CRB1: variants seen among roughly 807,000 people sequenced by gnomAD.
The protein encoded by CRB1 is protein crumbs homolog 1.
A neutral mutation model predicts 120.0 loss-of-function variants in CRB1; 83 were observed. The ratio of observed to expected loss-of-function variants is 0.69; its 90% confidence interval spans 0.58 to 0.83. The LOEUF is 0.83. Among genes scored for constraint, CRB1 ranks in the 40% least tolerant of loss-of-function variants. The pLI, the probability that CRB1 is intolerant of heterozygous loss-of-function variation, is 0.00. For synonymous variants in CRB1, 625 were observed against 612.5 expected (o/e 1.02, Z -0.30); for missense variants, 1,699 against 1,687.6 (o/e 1.01, Z -0.12).
chr1:197,438,426 C>T (rs1665266117), intron 9 of CRB1, 121 bp from the exon 10 acceptor site: 5 of 1,199,146 alleles, frequency 4.2e-6, no homozygotes, highest in Non-Finnish European at 6.1e-6. Flanking sequence ...GCATTTGTAG[C>T]TCCTCCAGCC....
At chr1:197,472,428 A>T (rs750639466) in intron 11 of CRB1, among the ~76,000 whole-genome samples, 37 of 152,182 alleles carry the variant, frequency 2.4e-4, no homozygotes, top group Non-Finnish European at 4.7e-4. Flanking sequence ...TTGCAGCATT[A>T]GTTCTTGAAT....
chr1:197,376,360 T>A (rs945409146), intron 5 of CRB1, among the ~76,000 whole-genome samples: 2 of 152,168 alleles, frequency 1.3e-5, no homozygotes, highest in African/African-American at 4.8e-5. Flanking sequence ...CTTTTTATTT[T>A]TTTATCTTCA....
At chr1:197,454,781 C>T (rs774405243) in intron 11 of CRB1, among the ~76,000 whole-genome samples, 31 of 152,240 alleles carry the variant, frequency 2.0e-4, no homozygotes, top group Admixed American at 2.6e-4. Context: ...TGCCTTGGTA[C>T]GATACTGGAC....
intron 11 of CRB1, among the ~76,000 whole-genome samples, chr1:197,445,592 AT>A (rs1665664018): frequency 6.6e-6 from 1 of 152,142 alleles, no homozygotes; most frequent in South Asian, 2.1e-4. Flanking sequence ...TCTTTTGGCC[AT>A]TTGTAGGTTT....
chr1:197,384,800 A>G (rs529611491), intron 5 of CRB1, among the ~76,000 whole-genome samples: 1 of 152,234 alleles, frequency 6.6e-6, no homozygotes, highest in Non-Finnish European at 1.5e-5. Context: ...TTGCATATTT[A>G]TATTGCTCAT....
At chr1:197,418,229 T>C (rs2821099) in intron 5 of CRB1, among the ~76,000 whole-genome samples, 10,483 of 152,260 alleles carry the variant, frequency 0.069, 1,259 homozygotes, top group African/African-American at 0.24. Flanking sequence ...AAGTAAAATA[T>C]CTTCTAATAC....
intron 2 of CRB1, among the ~76,000 whole-genome samples, chr1:197,342,978 A>T (rs565119083): frequency 6.6e-6 from 1 of 152,370 alleles, no homozygotes; most frequent in African/African-American, 2.4e-5. Context: ...TAAGCCTCAA[A>T]GAGCAAGCCA....
rs775441906 is a variant in CRB1, at chr1:197,421,565, C to A, written c.1737C>A (p.Thr579=). The change falls in exon 6 of 12, where the codon ACC becomes ACA. Residue 579 remains threonine, a synonymous_variant. Coordinates refer to ENST00000367400, the MANE Select transcript of CRB1 (RefSeq NM_201253.3). The stretch of plus-strand genomic sequence containing the variant: ...AGGTAATATTTGCAGAGGCTGTGAC[C>A]CTTACCTTAATCGACGACTCCTGTA... ...FVEVIFAEAV[T]LTLIDDSCKE... is the part of the protein sequence containing the mutation. 6.8e-6 allele frequency: 11 copies of A among 1,614,136 alleles called. No individual in the cohort carries two copies. Among genetic ancestry groups the A allele is most frequent in the Non-Finnish European group, 9.3e-6 (11 of 1,180,028 alleles).
chr1:197,352,410 C>G (rs1394247129), intron 4 of CRB1, among the ~76,000 whole-genome samples: 1 of 152,132 alleles, frequency 6.6e-6, no homozygotes, highest in African/African-American at 2.4e-5. Flanking sequence ...CTAAATTACT[C>G]CCTAACCTGG....
chr1:197,340,232 C>A (rs1420426761), intron 2 of CRB1, among the ~76,000 whole-genome samples: 1 of 152,070 alleles, frequency 6.6e-6, no homozygotes, highest in Admixed American at 6.6e-5. Flanking sequence ...TGGGAACTAA[C>A]TGGAGCTAGC....
intron 3 of CRB1, among the ~76,000 whole-genome samples, chr1:197,346,447 T>C (rs1302868313): frequency 6.6e-6 from 1 of 152,218 alleles, no homozygotes; most frequent in Non-Finnish European, 1.5e-5. Flanking sequence ...TATTTTTTAA[T>C]TGAACAAATG....
intron 5 of CRB1, among the ~76,000 whole-genome samples, chr1:197,412,969 C>T (rs1361942335): frequency 6.6e-6 from 1 of 152,114 alleles, no homozygotes; most frequent in East Asian, 1.9e-4. Flanking sequence ...TGATAAGGCA[C>T]TAATGACTAT....
chr1:197,316,190 C>CT (rs567045437), intron 1 of CRB1, among the ~76,000 whole-genome samples: 25,505 of 147,780 alleles, frequency 0.17, 2,376 homozygotes, highest in Middle Eastern at 0.26. Context: ...CAAAGTCAGA[C>CT]TTTTTTTTTT....
At chr1:197,442,656 G>A in intron 11 of CRB1, 1 of 780,604 alleles carries the variant, frequency 1.3e-6, no homozygotes, top group Non-Finnish European at 1.9e-6. Context: ...TCTCCTTATT[G>A]TGTGTATTTA....
chr1:197,450,501 C>T (rs1034127021), intron 11 of CRB1, among the ~76,000 whole-genome samples: 1 of 151,972 alleles, frequency 6.6e-6, no homozygotes, highest in Non-Finnish European at 1.5e-5. Context: ...AGCATAGTAA[C>T]CCAACAGTTA....
At chr1:197,354,810 G>C (rs1189370920) in intron 4 of CRB1, among the ~76,000 whole-genome samples, 3 of 2,058 alleles carry the variant, frequency 1.5e-3, no homozygotes, top group Non-Finnish European at 2.2e-3. Flanking sequence ...TCCCTTATCT[G>C]CCCCCCGCCC....
chr1:197,243,483 G>A, the CRB1 span, among the ~76,000 whole-genome samples: 3 of 152,068 alleles, frequency 2.0e-5, no homozygotes, highest in African/African-American at 2.4e-5. Context: ...GTAGTTGTAT[G>A]GTTTTCAGTG....
chr1:197,394,252 T>C (rs2125420170), intron 5 of CRB1, among the ~76,000 whole-genome samples: 1 of 152,262 alleles, frequency 6.6e-6, no homozygotes, highest in East Asian at 1.9e-4. Flanking sequence ...GAATAATCAG[T>C]ATATTGTCTC....
intron 4 of CRB1, among the ~76,000 whole-genome samples, chr1:197,354,462 G>A (rs765905754): frequency 2.2e-4 from 33 of 152,150 alleles, no homozygotes; most frequent in Middle Eastern, 3.4e-3. Flanking sequence ...TCTGATGTTC[G>A]GACGTGTTCA....
Sources: gnomAD v4.1 joint callset for allele counts (sites outside exome capture counted in the v4.1 genomes callset) on GRCh38, gnomAD v4.1.1 for gene constraint, MANE v1.5 for transcripts, NCBI Gene and HGNC (gene_info 2026-07-23, HGNC 2026-07-21) for gene names.